FAF1: variants seen among roughly 807,000 people sequenced by gnomAD.
FAF1 encodes FAS-associated factor 1.
In FAF1, 25 loss-of-function variants were observed where a neutral mutation model predicts 92.5. That is an observed-to-expected ratio of 0.27 (90% CI 0.20 to 0.38). FAF1 has a LOEUF of 0.38. FAF1 is among the 10% of genes least tolerant of loss of function. The pLI, the probability that FAF1 is intolerant of heterozygous loss-of-function variation, is 1.00. For synonymous variants in FAF1, 234 were observed against 273.2 expected, an observed-to-expected ratio of 0.86 and a Z score of 1.42; for missense variants, 636 against 793.3, an observed-to-expected ratio of 0.80 and a Z score of 2.38.
At chr1:50,629,161 C>CT (rs759732173) in intron 8 of FAF1, among the ~76,000 whole-genome samples, 3,944 of 110,688 alleles carry the variant, frequency 0.036, 251 homozygotes, top group African/African-American at 0.088. Flanking sequence ...CAGATAGATG[C>CT]TTTTTTTTTT....
At chr1:50,666,640 T>C (rs12090250) in intron 7 of FAF1, among the ~76,000 whole-genome samples, 5,123 of 152,202 alleles carry the variant, frequency 0.034, 284 homozygotes, top group African/African-American at 0.12. Context: ...CCCAACACTT[T>C]GGGAGGCTGA....
chr1:50,892,508 TATGTC>T (rs1296525323), intron 1 of FAF1, among the ~76,000 whole-genome samples: 1 of 152,212 alleles, frequency 6.6e-6, no homozygotes, highest in African/African-American at 2.4e-5. Context: ...GCTCTTTAAG[TATGTC>T]ATGCCACTCT....
At chr1:50,932,061 C>T (rs1027641370) in intron 1 of FAF1, among the ~76,000 whole-genome samples, 50 of 151,108 alleles carry the variant, frequency 3.3e-4, no homozygotes, top group African/African-American at 1.2e-3. Context: ...ATTACCTCCC[C>T]CCGGGTCCCT....
At chr1:50,904,394 G>A (rs1644819169) in intron 1 of FAF1, among the ~76,000 whole-genome samples, 1 of 152,184 alleles carries the variant, frequency 6.6e-6, no homozygotes, top group African/African-American at 2.4e-5. Context: ...AATTGGCAAG[G>A]AGTTTCAGTT....
intron 3 of FAF1, among the ~76,000 whole-genome samples, chr1:50,791,652 G>C (rs1448941527): frequency 6.6e-6 from 1 of 152,184 alleles, no homozygotes; most frequent in African/African-American, 2.4e-5. Context: ...TACATTCACA[G>C]AGGTCTGATC....
intron 1 of FAF1, among the ~76,000 whole-genome samples, chr1:50,937,049 A>G (rs1005687676): frequency 2.6e-5 from 4 of 152,156 alleles, no homozygotes; most frequent in African/African-American, 9.7e-5. Flanking sequence ...ATTCAAGTTG[A>G]CAAAGTTCTT....
intron 7 of FAF1, among the ~76,000 whole-genome samples, chr1:50,694,230 A>G (rs1354548208): frequency 2.0e-5 from 3 of 152,136 alleles, no homozygotes; most frequent in African/African-American, 7.2e-5. Context: ...TCTTATGATG[A>G]TAATTATAGG....
chr1:50,903,040 T>C (rs1249943799), intron 1 of FAF1, among the ~76,000 whole-genome samples: 1 of 152,146 alleles, frequency 6.6e-6, no homozygotes, highest in Non-Finnish European at 1.5e-5. Context: ...TATCAGACTA[T>C]AATTTTGTTT....
At chr1:50,691,827 CTTTGT>C (rs1157499594) in intron 7 of FAF1, among the ~76,000 whole-genome samples, 2 of 152,150 alleles carry the variant, frequency 1.3e-5, no homozygotes, top group African/African-American at 4.8e-5. Flanking sequence ...GGCCATTTTT[CTTTGT>C]TTTAATTGAC....
At chr1:50,836,922 A>T (rs183775834) in intron 2 of FAF1, among the ~76,000 whole-genome samples, 1 of 137,994 alleles carries the variant, frequency 7.2e-6, no homozygotes, top group East Asian at 2.1e-4. Context: ...AACTCTTCCA[A>T]TTGTCTCTTA....
At chr1:50,711,691 T>C (rs953865487) in intron 6 of FAF1, among the ~76,000 whole-genome samples, 5 of 152,070 alleles carry the variant, frequency 3.3e-5, no homozygotes, top group African/African-American at 1.2e-4. Context: ...GGTCTTGAAC[T>C]CCTGACCTCG....
At chr1:50,696,303 T>C (rs1657222450) in intron 7 of FAF1, among the ~76,000 whole-genome samples, 1 of 152,204 alleles carries the variant, frequency 6.6e-6, no homozygotes, top group South Asian at 2.1e-4. Context: ...TAATTTTCCT[T>C]TATACAGTCT....
chr1:50,949,471 C>T (rs867339478), intron 1 of FAF1, among the ~76,000 whole-genome samples: 4 of 152,164 alleles, frequency 2.6e-5, no homozygotes, highest in African/African-American at 9.7e-5. Context: ...CAGACATTGC[C>T]CAATGTCCCC....
chr1:50,875,302 C>T (rs960791108), intron 1 of FAF1, among the ~76,000 whole-genome samples: 9 of 151,966 alleles, frequency 5.9e-5, no homozygotes, highest in East Asian at 1.9e-4. Context: ...ATATTTATCA[C>T]GTACAATATA....
intron 6 of FAF1, among the ~76,000 whole-genome samples, chr1:50,725,458 A>T (rs1019812068): frequency 1.3e-5 from 2 of 152,086 alleles, no homozygotes; most frequent in Admixed American, 6.6e-5. Flanking sequence ...AAAGACATTT[A>T]AAAAAAATTT....
chr1:50,581,853 A>C (rs929886151), intron 12 of FAF1, among the ~76,000 whole-genome samples: 1 of 152,222 alleles, frequency 6.6e-6, no homozygotes, highest in African/African-American at 2.4e-5. Context: ...AGTGTGAGGC[A>C]GGGAATGGGA....
intron 1 of FAF1, among the ~76,000 whole-genome samples, chr1:50,920,259 G>A (rs1315742879): frequency 1.3e-5 from 2 of 149,626 alleles, no homozygotes; most frequent in African/African-American, 5.0e-5. Flanking sequence ...CCAAGATCGC[G>A]CCACCACACT....
At chr1:50,648,380 A>G (rs1170381238) in intron 8 of FAF1, among the ~76,000 whole-genome samples, 1 of 152,226 alleles carries the variant, frequency 6.6e-6, no homozygotes, top group African/African-American at 2.4e-5. Flanking sequence ...GAGAGTACCA[A>G]GTATATTCGA....
At chr1:50,449,158 T>C (rs1385485770) in intron 18 of FAF1, among the ~76,000 whole-genome samples, 1 of 152,184 alleles carries the variant, frequency 6.6e-6, no homozygotes, top group African/African-American at 2.4e-5. Context: ...ATAATAGTAT[T>C]ATTTTACAGT....
Sources: allele counts gnomAD v4.1 joint callset (sites outside exome capture counted in the v4.1 genomes callset), GRCh38; gene constraint gnomAD v4.1.1; transcripts MANE v1.5; gene names NCBI Gene and HGNC (gene_info 2026-07-23, HGNC 2026-07-21).